The following RIMS2 variants were observed in gnomAD, a reference collection of about 807,000 sequenced individuals.
RIMS2 encodes the protein regulating synaptic membrane exocytosis 2.
Under a neutral mutation model 174.4 loss-of-function variants are expected in RIMS2, and 59 were observed. The observed-to-expected ratio is 0.34, with a 90% CI of 0.27 to 0.42. The LOEUF (loss-of-function observed/expected upper bound fraction) is 0.42, where lower values mean the gene tolerates loss of function less well. Among genes scored for constraint, RIMS2 ranks in the 10% least tolerant of loss-of-function variants. The pLI is 1.00. For missense variants in RIMS2, 1,620 were observed against 1,666.3 expected (o/e 0.97, Z 0.48); for synonymous variants, 606 against 572.5 (o/e 1.06, Z -0.84).
At chr8:104,091,191 A>G (rs530988500) in intron 19 of RIMS2, among the ~76,000 whole-genome samples, 3 of 151,956 alleles carry the variant, frequency 2.0e-5, no homozygotes, top group Admixed American at 2.0e-4. Flanking sequence ...ATTCAGTCCC[A>G]TTCCAGAGCA....
intron 3 of RIMS2, among the ~76,000 whole-genome samples, chr8:103,826,826 G>T (rs963641647): frequency 2.0e-5 from 3 of 150,852 alleles, no homozygotes; most frequent in African/African-American, 7.3e-5. Context: ...AACTATTTTT[G>T]TAGAGTTTTG....
At chr8:104,158,610 T>A (rs188598922) in intron 19 of RIMS2, among the ~76,000 whole-genome samples, 115 of 152,336 alleles carry the variant, frequency 7.5e-4, no homozygotes, top group African/African-American at 2.5e-3. Flanking sequence ...TGAGATGGTA[T>A]CTCTTTGTGG....
At chr8:103,848,479 A>G (rs527458129) in intron 3 of RIMS2, among the ~76,000 whole-genome samples, 2 of 151,954 alleles carry the variant, frequency 1.3e-5, no homozygotes, top group Non-Finnish European at 2.9e-5. Context: ...AGCTACTTCC[A>G]TTTTATTAGA....
At chr8:104,159,130 C>T (rs1382691936) in intron 19 of RIMS2, among the ~76,000 whole-genome samples, 1 of 152,172 alleles carries the variant, frequency 6.6e-6, no homozygotes, top group Non-Finnish European at 1.5e-5. Context: ...CCAGTTTTCC[C>T]AGCACCATTT....
intron 3 of RIMS2, among the ~76,000 whole-genome samples, chr8:103,772,823 C>G (rs1281100378): frequency 6.6e-6 from 1 of 152,020 alleles, no homozygotes; most frequent in East Asian, 1.9e-4. Flanking sequence ...TAATTTTTGA[C>G]AGAGAGGCAA....
intron 1 of RIMS2, among the ~76,000 whole-genome samples, chr8:103,677,964 AGTT>A (rs2096835803): frequency 1.3e-5 from 2 of 152,314 alleles, no homozygotes; most frequent in Non-Finnish European, 2.9e-5. Context: ...ACTCAGTGAT[AGTT>A]ACAAGAGTAG....
At chr8:103,776,502 C>A (rs2098318358) in intron 3 of RIMS2, among the ~76,000 whole-genome samples, 1 of 152,010 alleles carries the variant, frequency 6.6e-6, no homozygotes, top group Non-Finnish European at 1.5e-5. Flanking sequence ...ATGTTTTTTT[C>A]TCCAGTGGTT....
intron 21 of RIMS2, 100 bp downstream of exon 27, chr8:104,248,913 T>TCTCTCTCTCTG: frequency 1.9e-6 from 1 of 537,974 alleles, no homozygotes. Context: ...CTCTCTCTCT[T>TCTCTCTCTCTG]TCCCTCTCTC....
intron 2 of RIMS2, among the ~76,000 whole-genome samples, chr8:103,736,686 G>A (rs922681587): frequency 1.2e-4 from 18 of 152,136 alleles, no homozygotes; most frequent in Non-Finnish European, 2.5e-4. Flanking sequence ...TTGAGAATTG[G>A]ATTTTGTATG....
chr8:104,097,840 C>A (rs2097789200), intron 19 of RIMS2, among the ~76,000 whole-genome samples: 1 of 152,006 alleles, frequency 6.6e-6, no homozygotes, highest in African/African-American at 2.4e-5. Context: ...GCGGCTTTTG[C>A]CATTACTTTT....
rs147557053 is a variant in RIMS2, at chr8:104,134,420, G to A, written c.3335-110496G>A. Among the ~76,000 whole-genome samples the A allele has an allele frequency of 1.8e-4, 27 of 152,284 alleles. 1 individual carries two copies. The East Asian group carries it at 4.8e-3, about 27-fold the overall frequency. ...GCGGAGCTTGCAGTGAGCCAAGATC[G>A]TGCCACTGCACTCCAGCCAGGGTGA... On this transcript the variant is annotated intron_variant, in intron 19 of 23. Coordinates refer to ENST00000504942, the Ensembl canonical transcript of RIMS2.
intron 13 of RIMS2, among the ~76,000 whole-genome samples, chr8:103,937,708 C>T (rs1031983780): frequency 6.6e-6 from 1 of 152,074 alleles, no homozygotes; most frequent in Non-Finnish European, 1.5e-5. Context: ...AAGAAGGCAT[C>T]AGGGTGAGGA....
chr8:103,827,385 T>C (rs2154477271), intron 3 of RIMS2, among the ~76,000 whole-genome samples: 1 of 152,336 alleles, frequency 6.6e-6, no homozygotes, highest in Admixed American at 6.5e-5. Context: ...TATGCTATTC[T>C]GTGTAAGCAA....
At chr8:103,976,371 A>C (rs1010294569) in intron 16 of RIMS2, 3 of 152,102 alleles carry the variant, frequency 2.0e-5, no homozygotes, top group African/African-American at 7.2e-5. Flanking sequence ...ATTCAGAAGA[A>C]CCAGTTTTCA....
intron 1 of RIMS2, among the ~76,000 whole-genome samples, chr8:103,585,616 G>A (rs1483721874): frequency 2.6e-5 from 4 of 151,940 alleles, no homozygotes; most frequent in Non-Finnish European, 5.9e-5. Context: ...ACCATTCTCA[G>A]CAAATTAACA....
intron 19 of RIMS2, among the ~76,000 whole-genome samples, chr8:104,105,742 T>TA (rs1025318564): frequency 6.6e-6 from 1 of 151,772 alleles, no homozygotes; most frequent in Middle Eastern, 3.2e-3. Flanking sequence ...GCTAATTTTT[T>TA]AAAAAAATTT....
At chr8:103,697,271 G>T in exon 2 of RIMS2, 1 of 1,613,470 alleles carries the variant, frequency 6.2e-7, no homozygotes, top group Non-Finnish European at 8.5e-7. Context: ...CGTTGTGGAG[G>T]TCGAGTGTCA....
chr8:103,740,100 A>G (rs1480039503), intron 2 of RIMS2, among the ~76,000 whole-genome samples: 2 of 152,186 alleles, frequency 1.3e-5, no homozygotes, highest in African/African-American at 4.8e-5. Context: ...GCATTGTTTT[A>G]TGCCAACATA....
chr8:104,191,296 A>G (rs2098996623), intron 19 of RIMS2, among the ~76,000 whole-genome samples: 1 of 152,124 alleles, frequency 6.6e-6, no homozygotes, highest in African/African-American at 2.4e-5. Context: ...ACTCTTTCAC[A>G]AAATATAGCT....
Sources: gnomAD v4.1 joint callset for allele counts (sites outside exome capture counted in the v4.1 genomes callset) on GRCh38, gnomAD v4.1.1 for gene constraint, MANE v1.5 for transcripts, NCBI Gene and HGNC (gene_info 2026-07-23, HGNC 2026-07-21) for gene names.